Variants in KCNQ3 observed in about 807,000 individuals in gnomAD.
KCNQ3 encodes potassium voltage-gated channel subfamily Q member 3, also known as potassium voltage-gated channel subfamily KQT member 3.
KCNQ3 carries 30 observed loss-of-function variants against 92.5 expected under a neutral mutation model. The ratio of observed to expected loss-of-function variants is 0.32; its 90% CI spans 0.24 to 0.44. The LOEUF (loss-of-function observed/expected upper bound fraction) is 0.44. Ranked by LOEUF, KCNQ3 falls within the 20% of genes least tolerant of loss-of-function variation. The probability of loss-of-function intolerance (pLI) is 1.00; values close to 1 mark genes in which losing one functional copy is unlikely to be tolerated. For synonymous variants in KCNQ3, 450 were observed against 468.8 expected, an observed-to-expected ratio of 0.96 and a Z score of 0.52; for missense variants, 913 against 1,140.3, an observed-to-expected ratio of 0.80 and a Z score of 2.87.
chr8:132,366,959 T>C (rs1427533222), intron 1 of KCNQ3, among the ~76,000 whole-genome samples: 1 of 152,192 alleles, frequency 6.6e-6, no homozygotes, highest in Non-Finnish European at 1.5e-5. Flanking sequence ...TATAATTGCT[T>C]CATAAAAAAA....
chr8:132,352,934 G>T (rs942175151), intron 1 of KCNQ3, among the ~76,000 whole-genome samples: 1 of 152,156 alleles, frequency 6.6e-6, no homozygotes, highest in Non-Finnish European at 1.5e-5. Flanking sequence ...TTCATGGAAG[G>T]GATGGCATGA....
chr8:132,301,088 C>A (rs1457784), intron 1 of KCNQ3, among the ~76,000 whole-genome samples: 30,150 of 152,080 alleles, frequency 0.2, 3,129 homozygotes, highest in South Asian at 0.31. Context: ...CTCTTTAAGC[C>A]TACCCCACGA....
At chr8:132,362,575 G>A (rs7820317) in intron 1 of KCNQ3, among the ~76,000 whole-genome samples, 70,125 of 152,004 alleles carry the variant, frequency 0.46, 18,411 homozygotes, top group African/African-American at 0.73. Context: ...TTCTAGCAGG[G>A]GTTTTTGTGC....
At chr8:132,448,595 C>A (rs1048729034) in intron 1 of KCNQ3, among the ~76,000 whole-genome samples, 1 of 151,012 alleles carries the variant, frequency 6.6e-6, no homozygotes, top group East Asian at 1.9e-4. Flanking sequence ...GTGAATTCTG[C>A]GTTTTGATTG....
chr8:132,207,946 C>G (rs1586829397), intron 1 of KCNQ3, among the ~76,000 whole-genome samples: 1 of 146,126 alleles, frequency 6.8e-6, no homozygotes, highest in South Asian at 2.1e-4. Context: ...AAAAAAAGAA[C>G]GTGCATCACA....
At chr8:132,199,601 A>G (rs192917784) in intron 1 of KCNQ3, among the ~76,000 whole-genome samples, 120 of 152,308 alleles carry the variant, frequency 7.9e-4, no homozygotes, top group African/African-American at 2.9e-3. Context: ...AATGGACTTA[A>G]AGAGTATCAT....
chr8:132,327,794 A>G (rs1485686897), intron 1 of KCNQ3, among the ~76,000 whole-genome samples: 1 of 152,106 alleles, frequency 6.6e-6, no homozygotes, highest in Non-Finnish European at 1.5e-5. Flanking sequence ...GGATGAAAGG[A>G]GCTTAAATGT....
chr8:132,202,927 CTTTGT>C (rs1827505885), intron 1 of KCNQ3, among the ~76,000 whole-genome samples: 1 of 151,994 alleles, frequency 6.6e-6, no homozygotes, highest in Admixed American at 6.6e-5. Flanking sequence ...AATTTTCTGT[CTTTGT>C]TTTGTTTTGT....
chr8:132,237,534 G>A (rs898904955), intron 1 of KCNQ3, among the ~76,000 whole-genome samples: 1 of 152,106 alleles, frequency 6.6e-6, no homozygotes, highest in Non-Finnish European at 1.5e-5. Flanking sequence ...TTTGCACTTA[G>A]CCAGTGCACA....
chr8:132,454,096 C>G (rs1390941128), intron 1 of KCNQ3, among the ~76,000 whole-genome samples: 1 of 152,198 alleles, frequency 6.6e-6, no homozygotes, highest in African/African-American at 2.4e-5. Context: ...GCAAGAGAAC[C>G]ATGATCTGGT....
chr8:132,346,530 T>C (rs1586945440), intron 1 of KCNQ3, among the ~76,000 whole-genome samples: 1 of 152,202 alleles, frequency 6.6e-6, no homozygotes, highest in South Asian at 2.1e-4. Flanking sequence ...TCCACCACTC[T>C]CCATCACAGC....
rs541317334 is a variant in KCNQ3 at position 132,329,435 on chromosome 8, C to T, written c.387-143254G>A. 2.0e-5 allele frequency among the ~76,000 whole-genome samples: 3 copies of T among 152,314 alleles called. No individual in the cohort carries two copies. The East Asian group carries it at 5.8e-4, about 29-fold the overall frequency. The stretch of plus-strand genomic sequence containing the variant: ...CGGATTTCTAATTCTGTATATATAG[C>T]AAAACGTCTGCTAGTAGAAAAGGAT... On this transcript the variant is annotated intron_variant, in intron 1 of 14. Coordinates refer to ENST00000388996, the MANE Select transcript of KCNQ3 (RefSeq NM_004519.4).
At chr8:132,187,747 GTGGTGGTAGTGATGA>G (rs1395121569) in intron 1 of KCNQ3, among the ~76,000 whole-genome samples, 1 of 150,958 alleles carries the variant, frequency 6.6e-6, no homozygotes, top group Non-Finnish European at 1.5e-5. Context: ...GATGGTGGTG[GTGGTGGTAGTGATGA>G]TGGTGGTAGT....
intron 1 of KCNQ3, among the ~76,000 whole-genome samples, chr8:132,211,539 CTT>C (rs1396657765): frequency 1.3e-5 from 2 of 152,146 alleles, no homozygotes; most frequent in African/African-American, 4.8e-5. Context: ...TTCAGATAAC[CTT>C]TTGAGTCCTT....
intron 1 of KCNQ3, among the ~76,000 whole-genome samples, chr8:132,282,828 G>T (rs1342500541): frequency 1.3e-5 from 2 of 152,190 alleles, no homozygotes; most frequent in Non-Finnish European, 2.9e-5. Flanking sequence ...GGGGAAACCT[G>T]CATGTTACAT....
At chr8:132,393,793 G>A (rs1173716604) in intron 1 of KCNQ3, among the ~76,000 whole-genome samples, 2 of 152,178 alleles carry the variant, frequency 1.3e-5, no homozygotes, top group Non-Finnish European at 2.9e-5. Context: ...CACCATGAGA[G>A]AGGATTAAAA....
chr8:132,331,103 A>G (rs1204879763), intron 1 of KCNQ3, among the ~76,000 whole-genome samples: 1 of 152,158 alleles, frequency 6.6e-6, no homozygotes, highest in African/African-American at 2.4e-5. Context: ...GCTAACACTC[A>G]TGGAGCACCT....
intron 1 of KCNQ3, among the ~76,000 whole-genome samples, chr8:132,419,768 C>T (rs1362964168): frequency 1.3e-5 from 2 of 152,090 alleles, no homozygotes; most frequent in Non-Finnish European, 2.9e-5. Flanking sequence ...TCAAAAATCC[C>T]GAAGTGACTT....
intron 1 of KCNQ3, among the ~76,000 whole-genome samples, chr8:132,272,018 A>T (rs1044354008): frequency 6.6e-6 from 1 of 152,152 alleles, no homozygotes; most frequent in African/African-American, 2.4e-5. Flanking sequence ...CAGAACCGAG[A>T]CATTTTGACT....
Sources: gnomAD v4.1 joint callset for allele counts (sites outside exome capture counted in the v4.1 genomes callset) on GRCh38, gnomAD v4.1.1 for gene constraint, MANE v1.5 for transcripts, NCBI Gene and HGNC (gene_info 2026-07-23, HGNC 2026-07-21) for gene names.